VEPH1: variants seen among roughly 807,000 people sequenced by gnomAD.
VEPH1 encodes ventricular zone-expressed PH domain-containing protein homolog 1.
In VEPH1, 80 loss-of-function variants were observed where a neutral mutation model predicts 85.2. The observed-to-expected ratio is 0.94, with a 90% CI of 0.78 to 1.13. The LOEUF (loss-of-function observed/expected upper bound fraction) is 1.13. VEPH1 is among the 50% of genes most tolerant of loss of function. The probability of loss-of-function intolerance (pLI) is 0.00; values close to 1 mark genes in which losing one functional copy is unlikely to be tolerated. For missense variants in VEPH1, 955 were observed against 980.5 expected, an observed-to-expected ratio of 0.97 and a Z score of 0.35; for synonymous variants, 297 against 348.0, an observed-to-expected ratio of 0.85 and a Z score of 1.63.
chr3:157,413,777 A>T, intron 6 of VEPH1, 104 bp downstream of exon 6: 8 of 1,428,474 alleles, frequency 5.6e-6, no homozygotes, highest in Non-Finnish European at 7.5e-6. Flanking sequence ...AACTCCCAGA[A>T]ATTCCAGGAC....
intron 9 of VEPH1, among the ~76,000 whole-genome samples, chr3:157,317,819 G>A (rs944795046): frequency 6.6e-6 from 1 of 152,186 alleles, no homozygotes; most frequent in South Asian, 2.1e-4. Context: ...AAGAAATAAT[G>A]AATAAATGAA....
intron 2 of VEPH1, among the ~76,000 whole-genome samples, chr3:157,471,359 G>A (rs931328555): frequency 3.3e-5 from 5 of 152,206 alleles, no homozygotes; most frequent in East Asian, 3.9e-4. Context: ...TCTCTACATT[G>A]CAAATTATTT....
intron 2 of VEPH1, among the ~76,000 whole-genome samples, chr3:157,478,683 A>G (rs1373804353): frequency 1.1e-5 from 1 of 90,768 alleles, no homozygotes; most frequent in African/African-American, 3.2e-5. Flanking sequence ...TGTCAGTGAC[A>G]TTGTTGAACA....
intron 7 of VEPH1, among the ~76,000 whole-genome samples, chr3:157,373,461 G>T (rs2108823183): frequency 6.6e-6 from 1 of 152,196 alleles, no homozygotes; most frequent in Non-Finnish European, 1.5e-5. Context: ...AAACTAAAAA[G>T]GTGTTCAAAA....
intron 9 of VEPH1, among the ~76,000 whole-genome samples, chr3:157,352,581 A>G (rs1216120969): frequency 6.6e-6 from 1 of 152,222 alleles, no homozygotes; most frequent in African/African-American, 2.4e-5. Flanking sequence ...TAGTAAACTG[A>G]TGAATGCAGA....
chr3:157,351,204 G>A (rs968558773), intron 9 of VEPH1, among the ~76,000 whole-genome samples: 2 of 151,998 alleles, frequency 1.3e-5, no homozygotes, highest in African/African-American at 2.4e-5. Context: ...CCATCACTTT[G>A]GGAGGCCAAG....
intron 5 of VEPH1, among the ~76,000 whole-genome samples, chr3:157,415,461 CT>C (rs1423214785): frequency 1.3e-5 from 2 of 152,168 alleles, no homozygotes; most frequent in Non-Finnish European, 2.9e-5. Context: ...GGGAAGGCCT[CT>C]CTCAGCGGGA....
At chr3:157,275,918 A>C (rs754396659) in intron 12 of VEPH1, among the ~76,000 whole-genome samples, 51 of 152,118 alleles carry the variant, frequency 3.4e-4, no homozygotes, top group Non-Finnish European at 6.2e-4. Context: ...ATATGCAAAA[A>C]GAGGGCTAGA....
chr3:157,362,443 A>T (rs543435631), intron 9 of VEPH1, among the ~76,000 whole-genome samples: 1 of 152,268 alleles, frequency 6.6e-6, no homozygotes, highest in East Asian at 1.9e-4. Flanking sequence ...TTTTCTGACT[A>T]GCTCAACCTC....
At chr3:157,264,683 A>G (rs1006372497) in intron 13 of VEPH1, among the ~76,000 whole-genome samples, 1 of 152,222 alleles carries the variant, frequency 6.6e-6, no homozygotes, top group African/African-American at 2.4e-5. Context: ...TGAAATGGCA[A>G]TAATAGCAGT....
chr3:157,451,274 A>T (rs1223607223), intron 4 of VEPH1, among the ~76,000 whole-genome samples: 1 of 152,190 alleles, frequency 6.6e-6, no homozygotes, highest in Non-Finnish European at 1.5e-5. Flanking sequence ...CTTATTTGGT[A>T]TAGAGATATT....
intron 4 of VEPH1, among the ~76,000 whole-genome samples, chr3:157,449,261 A>T (rs1734775316): frequency 6.6e-6 from 1 of 152,222 alleles, no homozygotes; most frequent in Non-Finnish European, 1.5e-5. Flanking sequence ...GATACCTTTT[A>T]TCAGAATAAG....
At chr3:157,290,831 G>T (rs1717391549) in intron 11 of VEPH1, among the ~76,000 whole-genome samples, 1 of 152,200 alleles carries the variant, frequency 6.6e-6, no homozygotes, top group Non-Finnish European at 1.5e-5. Flanking sequence ...AGTCATTAAT[G>T]AGGGTAGGAA....
Position 157,369,192 on chromosome 3 carries a change from A to AAAAAAAAAAAAAC in VEPH1, c.1128-4693_1128-4681dup, listed in dbSNP as rs1553773119. ...ACAAAAACCAAATGAAAAAAAAAAA[A>AAAAAAAAAAAAAC]AAAAAAAAAAAACCTCCTGAGGTCT... On this transcript the variant is annotated intron_variant, in intron 7 of 13. Transcript: ENST00000362010. Among the ~76,000 whole-genome samples, 67 of 142,766 alleles carry AAAAAAAAAAAAAC rather than the reference A, an allele frequency of 4.7e-4. 4 individuals are homozygous for AAAAAAAAAAAAAC. The highest frequency in any genetic ancestry group is 1.0e-3 in the East Asian group (5 of 4,800). The allele number at this position is 142,766 out of a possible 152,430, so 93.7% of individuals were successfully genotyped here. A position where few individuals can be genotyped will look rare whatever the true frequency, so the allele number is the denominator to read the frequency against.
chr3:157,317,777 G>T (rs1337900040), intron 9 of VEPH1, among the ~76,000 whole-genome samples: 1 of 152,340 alleles, frequency 6.6e-6, no homozygotes, highest in East Asian at 1.9e-4. Flanking sequence ...TGGGTGAGTG[G>T]TGTAGAGGTG....
At chr3:157,414,316 T>C (rs977163122) in intron 5 of VEPH1, among the ~76,000 whole-genome samples, 3 of 152,164 alleles carry the variant, frequency 2.0e-5, no homozygotes, top group African/African-American at 7.2e-5. Context: ...TAATCTGTGA[T>C]TTGCTGTTGA....
rs771250203 is a variant in VEPH1, at chr3:157,313,698, G to T, written c.1933C>A (p.Leu645Met). ...CCCCCTGCCTGGGTCTTCTCCCACA[G>T]AGCTCTGAGGAATTGCACAGAATGA... ...QSHSVQFLRA[L>M]WEKTQAGGAH... Residue 645 changes from leucine (L) to methionine (M), a missense_variant, in exon 11 of 14, where the codon CTG becomes ATG. By Grantham distance (15) the Leu-to-Met change is conservative. Transcript: ENST00000362010. 1 of 1,614,142 alleles carries T rather than the reference G, an allele frequency of 6.2e-7. No homozygotes were observed. Among genetic ancestry groups the T allele is most frequent in the Admixed American group, 1.7e-5 (1 of 60,018 alleles).
At chr3:157,386,595 G>A (rs555542995) in intron 6 of VEPH1, among the ~76,000 whole-genome samples, 2 of 152,290 alleles carry the variant, frequency 1.3e-5, no homozygotes, top group East Asian at 3.9e-4. Flanking sequence ...GAATGGGAGG[G>A]CTAGTGGTAT....
At chr3:157,339,735 C>T (rs1006964471) in intron 9 of VEPH1, among the ~76,000 whole-genome samples, 24 of 152,090 alleles carry the variant, frequency 1.6e-4, no homozygotes, top group Admixed American at 1.5e-3. Context: ...GGTCGGGTGG[C>T]GAGGTTGTAG....
Sources: gnomAD v4.1 joint callset for allele counts (sites outside exome capture counted in the v4.1 genomes callset) on GRCh38, gnomAD v4.1.1 for gene constraint, MANE v1.5 for transcripts, NCBI Gene and HGNC (gene_info 2026-07-23, HGNC 2026-07-21) for gene names.